NEGR1: variants seen among roughly 807,000 people sequenced by gnomAD.
NEGR1 encodes the protein neuronal growth regulator 1.
In NEGR1, 10 loss-of-function variants were observed where a neutral mutation model predicts 40.9. The observed-to-expected ratio is 0.24, with a 90% CI of 0.15 to 0.42. The LOEUF is 0.42. Ranked by LOEUF, NEGR1 falls within the 10% of genes least tolerant of loss-of-function variation. The probability of loss-of-function intolerance (pLI) is 1.00; values close to 1 mark genes in which losing one functional copy is unlikely to be tolerated. For missense variants in NEGR1, 352 were observed against 438.9 expected, an observed-to-expected ratio of 0.80 and a Z score of 1.77; for synonymous variants, 185 against 166.8, an observed-to-expected ratio of 1.11 and a Z score of -0.84.
At chr1:72,227,294 G>A (rs760439403) in intron 1 of NEGR1, among the ~76,000 whole-genome samples, 1 of 151,996 alleles carries the variant, frequency 6.6e-6, no homozygotes, top group Non-Finnish European at 1.5e-5. Flanking sequence ...AGGGAAAGGA[G>A]TTTAAAATTG....
At chr1:71,767,151 T>C (rs1656162828) in intron 3 of NEGR1, among the ~76,000 whole-genome samples, 1 of 152,114 alleles carries the variant, frequency 6.6e-6, no homozygotes, top group African/African-American at 2.4e-5. Flanking sequence ...GAATTGCCTT[T>C]GGAACTGGGT....
intron 1 of NEGR1, among the ~76,000 whole-genome samples, chr1:72,278,156 C>T (rs1227121689): frequency 6.6e-6 from 1 of 152,076 alleles, no homozygotes; most frequent in Non-Finnish European, 1.5e-5. Flanking sequence ...AGTAGGATAT[C>T]ACATAACTTC....
At chr1:71,420,405 C>T (rs1311413186) in intron 6 of NEGR1, among the ~76,000 whole-genome samples, 1 of 151,920 alleles carries the variant, frequency 6.6e-6, no homozygotes, top group Admixed American at 6.6e-5. Flanking sequence ...CTATGGAGTG[C>T]CTGCTATGTG....
chr1:71,927,378 A>G (rs1204423915), intron 2 of NEGR1, among the ~76,000 whole-genome samples: 1 of 152,148 alleles, frequency 6.6e-6, no homozygotes, highest in African/African-American at 2.4e-5. Flanking sequence ...TCTTGGATCT[A>G]AATTTGTCTG....
At chr1:72,045,320 A>G (rs1167222548) in intron 1 of NEGR1, among the ~76,000 whole-genome samples, 2 of 151,984 alleles carry the variant, frequency 1.3e-5, no homozygotes, top group East Asian at 3.9e-4. Context: ...CAAGTTAGAT[A>G]GGTCAGCATC....
chr1:71,410,623 A>T (rs1238275979), intron 6 of NEGR1, among the ~76,000 whole-genome samples: 1 of 152,218 alleles, frequency 6.6e-6, no homozygotes, highest in African/African-American at 2.4e-5. Context: ...TACATACTTT[A>T]GTACACACAT....
chr1:72,057,695 A>G (rs2100487933), intron 1 of NEGR1, among the ~76,000 whole-genome samples: 1 of 151,440 alleles, frequency 6.6e-6, no homozygotes, highest in South Asian at 2.1e-4. Flanking sequence ...TACATATATA[A>G]CTTTATTTTC....
intron 6 of NEGR1, among the ~76,000 whole-genome samples, chr1:71,531,004 A>G (rs920506777): frequency 5.3e-5 from 8 of 151,290 alleles, no homozygotes; most frequent in Non-Finnish European, 1.0e-4. Context: ...CAATTTTCAT[A>G]ATAACTCCAT....
chr1:72,175,691 A>G (rs927977419), intron 1 of NEGR1, among the ~76,000 whole-genome samples: 1 of 152,080 alleles, frequency 6.6e-6, no homozygotes, highest in African/African-American at 2.4e-5. Flanking sequence ...AATTAAAAAA[A>G]AAACACATGT....
intron 2 of NEGR1, among the ~76,000 whole-genome samples, chr1:71,778,582 A>C (rs1193526171): frequency 1.3e-5 from 2 of 152,198 alleles, no homozygotes; most frequent in Non-Finnish European, 2.9e-5. Flanking sequence ...AGTGCATAGC[A>C]GTGCCCACTA....
At chr1:71,816,044 C>T (rs548055545) in intron 2 of NEGR1, among the ~76,000 whole-genome samples, 2 of 152,152 alleles carry the variant, frequency 1.3e-5, no homozygotes, top group South Asian at 2.1e-4. Context: ...TTCAAACACC[C>T]TAAGTTTTTT....
At chr1:71,954,589 GAA>G (rs947615292) in intron 1 of NEGR1, among the ~76,000 whole-genome samples, 5 of 151,666 alleles carry the variant, frequency 3.3e-5, no homozygotes, top group African/African-American at 1.2e-4. Context: ...AGGAGAATCA[GAA>G]AAAAAGAGTT....
chr1:71,976,624 T>C (rs1045840002), intron 1 of NEGR1, among the ~76,000 whole-genome samples: 1 of 152,222 alleles, frequency 6.6e-6, no homozygotes, highest in Non-Finnish European at 1.5e-5. Flanking sequence ...GGGTAGCTTT[T>C]TTTAAAAAAG....
At chr1:72,219,983 G>C (rs899317546) in intron 1 of NEGR1, among the ~76,000 whole-genome samples, 24 of 152,022 alleles carry the variant, frequency 1.6e-4, no homozygotes, top group African/African-American at 4.1e-4. Context: ...TCTACCTACT[G>C]TCCAAAATTT....
chr1:72,210,225 T>C (rs866061927), intron 1 of NEGR1, among the ~76,000 whole-genome samples: 2 of 151,990 alleles, frequency 1.3e-5, no homozygotes, highest in South Asian at 2.1e-4. Context: ...TGCACTGACA[T>C]TGCAGAAGCA....
chr1:72,225,070 C>CT (rs1654133016), intron 1 of NEGR1, among the ~76,000 whole-genome samples: 1 of 152,046 alleles, frequency 6.6e-6, no homozygotes. Flanking sequence ...TTTGCTCCTT[C>CT]TGTCTTCATT....
In NEGR1 at chr1:71,397,673, A is replaced by G. The variant is rs1557512397; in HGVS notation, c.*9773T>C. On this transcript the variant is annotated 3_prime_UTR_variant, in exon 7 of 7. Transcript: ENST00000357731. Reference sequence around the variant, plus strand: ...AACAGTATAAAAGTTTGAAAAATTTACAGACTGAAAATGTGATAGAAAAGA... The same window carrying G: ...AACAGTATAAAAGTTTGAAAAATTTGCAGACTGAAAATGTGATAGAAAAGA... 6.6e-6 allele frequency: 1 copy of G among 152,228 alleles called. No homozygotes were observed. Among genetic ancestry groups the G allele is most frequent in the South Asian group, 2.1e-4 (1 of 4,832 alleles). The allele number at this position is 152,228 out of a possible 1,614,324, so 9.4% of individuals were successfully genotyped here. A position where few individuals can be genotyped will look rare whatever the true frequency, so the allele number is the denominator to read the frequency against.
chr1:72,152,752 GAA>G (rs989143537), intron 1 of NEGR1, among the ~76,000 whole-genome samples: 15 of 151,816 alleles, frequency 9.9e-5, no homozygotes, highest in African/African-American at 3.6e-4. Flanking sequence ...AATGGATAAA[GAA>G]AATGTGATAC....
At chr1:72,248,470 C>G (rs1322832609) in intron 1 of NEGR1, among the ~76,000 whole-genome samples, 1 of 151,856 alleles carries the variant, frequency 6.6e-6, no homozygotes, top group Non-Finnish European at 1.5e-5. Flanking sequence ...GTTGGCCAGG[C>G]TGGTCCCGAT....
Sources: allele counts gnomAD v4.1 joint callset (sites outside exome capture counted in the v4.1 genomes callset), GRCh38; gene constraint gnomAD v4.1.1; transcripts MANE v1.5; gene names NCBI Gene and HGNC (gene_info 2026-07-23, HGNC 2026-07-21).